The following PRG4 variants were observed in gnomAD, a reference collection of about 807,000 sequenced individuals.
PRG4 encodes articular superficial zone protein.
PRG4 carries 61 observed loss-of-function variants against 91.2 expected under a neutral mutation model. The observed-to-expected ratio is 0.67, with a 90% CI of 0.54 to 0.83. The LOEUF (loss-of-function observed/expected upper bound fraction) is 0.83, where lower values mean the gene tolerates loss of function less well. PRG4 is among the 40% of genes least tolerant of loss of function. PRG4 has a pLI of 0.00. For missense variants in PRG4, 1,564 were observed against 1,714.2 expected (o/e 0.91, Z 1.55); for synonymous variants, 576 against 614.2 (o/e 0.94, Z 0.92).
rs751586838 is a variant in PRG4 at position 186,312,748 on chromosome 1, T to C, written c.3992-21T>C. On this transcript the variant is annotated intron_variant, in intron 11 of 12. Coordinates refer to ENST00000445192, the MANE Select transcript of PRG4 (RefSeq NM_005807.6). Reference sequence around the variant, plus strand: ...CATTGCCTTTTAATCTGGTATCTTTTATTAAACATGCCACTTACAGGTGTC... The same window carrying C: ...CATTGCCTTTTAATCTGGTATCTTTCATTAAACATGCCACTTACAGGTGTC... The C allele has an allele frequency of 1.2e-5, 19 of 1,610,586 alleles. No homozygotes were observed. The South Asian group carries it at 1.9e-4, about 16-fold the overall frequency.
In PRG4 at chr1:186,306,530, T is replaced by A; in HGVS notation, c.811T>A (p.Ser271Thr). The change falls in exon 7 of 13, where the codon TCT (serine) becomes ACT (threonine). Residue 271 changes from serine (S) to threonine (T), a missense_variant. Physicochemically the swap from Ser to Thr is moderately conservative, Grantham distance 58 (BLOSUM62 1). This residue lies in a region of PRG4 where 437 missense variants were observed against 459.0 expected (regional missense o/e 0.95). Coordinates refer to ENST00000445192, the MANE Select transcript of PRG4 (RefSeq NM_005807.6). ...RPSLPPNSDT[S>T]KETSLTVNKE... ...CAGTCTTCCACCTAATTCTGATACA[T>A]CTAAAGAGACGTCTTTGACAGTGAA... is the stretch of plus-strand genomic sequence containing the variant. 6.2e-7 allele frequency: 1 copy of A among 1,613,152 alleles called. No homozygotes were observed. The highest frequency in any genetic ancestry group is 8.5e-7 in the Non-Finnish European group (1 of 1,179,358).
At position 186,308,134 on chromosome 1, in the gene PRG4, C is replaced by T; in HGVS notation, c.2415C>T (p.Thr805=). 3.7e-6 allele frequency: 6 copies of T among 1,609,332 alleles called. No individual in the cohort carries two copies. Among genetic ancestry groups the T allele is most frequent in the Non-Finnish European group, 3.4e-6 (4 of 1,178,312 alleles). Residue 805 remains threonine (T), a synonymous_variant, in exon 7 of 13, where the codon ACC becomes ACT. Transcript: ENST00000445192. ...CTGCCCCCAAGGAGCTTGCACCCAC[C>T]ACCACCAAGGGGCCCACATCCACCA... ...KKPAPKELAP[T]TTKGPTSTTS...
chr1:186,300,054 GT>G, intron 2 of PRG4, 36 bp from the exon 3 acceptor site: 12 of 1,611,714 alleles, frequency 7.4e-6, no homozygotes, highest in Non-Finnish European at 9.3e-6. Flanking sequence ...CTATAAAGTG[GT>G]TTGGCCATAT....
At chr1:186,297,003 A>G in intron 2 of PRG4, 52 bp downstream of exon 2, 1 of 1,462,784 alleles carries the variant, frequency 6.8e-7, no homozygotes, top group Non-Finnish European at 9.6e-7. Context: ...CTAATCATTC[A>G]GTCTTGATTT....
At chr1:186,302,707 C>T (rs1200462888) in intron 4 of PRG4, among the ~76,000 whole-genome samples, 1 of 152,096 alleles carries the variant, frequency 6.6e-6, no homozygotes, top group Non-Finnish European at 1.5e-5. Context: ...TAGAGCTCAC[C>T]CTTCCTGCAG....
At chr1:186,299,635 A>G (rs908878603) in intron 2 of PRG4, among the ~76,000 whole-genome samples, 3 of 152,206 alleles carry the variant, frequency 2.0e-5, no homozygotes, top group African/African-American at 7.2e-5. Flanking sequence ...ATAATGAGCA[A>G]GTTGTCAAAA....
At chr1:186,301,119 T>C (rs1197407878) in intron 3 of PRG4, among the ~76,000 whole-genome samples, 1 of 152,160 alleles carries the variant, frequency 6.6e-6, no homozygotes, top group Non-Finnish European at 1.5e-5. Context: ...GCATTACAAA[T>C]GATTTTTAAG....
rs556675244 is a variant in PRG4, at chr1:186,307,510, C to A, written c.1791C>A (p.Thr597=). ...TTPKEPAPTT[T]KKPAPTTPKE... is the part of the protein sequence containing the mutation. Reference sequence around the variant, plus strand: ...CCAAGGAACCTGCACCCACCACCACCAAGAAGCCTGCACCCACCACTCCCA... The same window carrying A: ...CCAAGGAACCTGCACCCACCACCACAAAGAAGCCTGCACCCACCACTCCCA... Residue 597 remains threonine (T), a synonymous_variant, in exon 7 of 13, where the codon ACC becomes ACA. Coordinates refer to ENST00000445192, the MANE Select transcript of PRG4 (RefSeq NM_005807.6). 44 of 1,565,602 alleles carry A rather than the reference C, an allele frequency of 2.8e-5. No homozygotes were observed. The East Asian group carries it at 7.9e-4, about 28-fold the overall frequency.
chr1:186,298,024 T>A (rs1393907842), intron 2 of PRG4, among the ~76,000 whole-genome samples: 1 of 152,240 alleles, frequency 6.6e-6, no homozygotes, highest in Non-Finnish European at 1.5e-5. Flanking sequence ...TCCTCTGTGA[T>A]ACAATTGGTT....
rs1333022694 is a variant in PRG4 at position 186,314,472 on chromosome 1, T to C, written c.*694T>C. ...GGTATACAAATCTGTCTACATGAAGTTTACAGATTGGTAAATATCACCTGC... is the reference window on the plus strand; with the variant it reads ...GGTATACAAATCTGTCTACATGAAGCTTACAGATTGGTAAATATCACCTGC... On this transcript the variant is annotated 3_prime_UTR_variant, in exon 13 of 13. Transcript: ENST00000445192. The C allele has an allele frequency of 2.0e-6, 1 of 496,548 alleles. No homozygotes were observed. The allele number at this position is 496,548 out of a possible 1,614,324, so 30.8% of individuals were successfully genotyped here. A position where few individuals can be genotyped will look rare whatever the true frequency, so the allele number is the denominator to read the frequency against.
Position 186,308,482 on chromosome 1 carries a change from A to C in PRG4, c.2763A>C (p.Glu921Asp). 6.2e-7 allele frequency: 1 copy of C among 1,613,886 alleles called. No homozygotes were observed. The highest frequency in any genetic ancestry group is 1.1e-5 in the South Asian group (1 of 91,082). ...CAACAGCTAAAGACAAGACAACAGA[A>C]AGAGACTTACGTACTACACCTGAAA... The part of the protein sequence containing the change: ...MTTTAKDKTT[E>D]RDLRTTPETT... Residue 921 changes from glutamate (E) to aspartate (D), a missense_variant, in exon 7 of 13, where the codon GAA becomes GAC. Transcript: ENST00000445192.
rs1460109462 is a variant in PRG4, at chr1:186,313,746, A to C, written c.4183A>C (p.Thr1395Pro). ...ARAITTRSGQ[T>P]LSKVWYNCP is the part of the protein sequence containing the mutation. The stretch of plus-strand genomic sequence containing the variant: ...AGCAATTACTACTCGTTCTGGGCAG[A>C]CCTTATCCAAAGTCTGGTACAACTG... The change falls in exon 13 of 13, where the codon ACC (threonine) becomes CCC (proline). Residue 1395 changes from threonine to proline, a missense_variant. Thr to Pro is a conservative substitution (Grantham distance 38). Around this residue, in one of 3 missense-constraint regions of PRG4, gnomAD observed 1,079 missense variants for 1,162.2 expected, o/e 0.93. Coordinates refer to ENST00000445192, the MANE Select transcript of PRG4 (RefSeq NM_005807.6). 8.1e-6 allele frequency: 13 copies of C among 1,608,954 alleles called. No individual in the cohort carries two copies. The highest frequency in any genetic ancestry group is 1.0e-5 in the Non-Finnish European group (12 of 1,175,430).
rs1360802213 is a variant in PRG4 at position 186,308,585 on chromosome 1, A to C, written c.2866A>C (p.Thr956Pro). Residue 956 changes from threonine to proline, a missense_variant, in exon 7 of 13, where the codon ACA (threonine) becomes CCA (proline). Around this residue, in one of 3 missense-constraint regions of PRG4, gnomAD observed 1,079 missense variants for 1,162.2 expected, o/e 0.93. Coordinates refer to ENST00000445192, the MANE Select transcript of PRG4 (RefSeq NM_005807.6). ...EKTTESKITA[T>P]TTQVTSTTTQ... ...AACTACCGAATCCAAAATAACAGCTACAACCACACAAGTAACATCTACCAC... is the reference window on the plus strand; with the variant it reads ...AACTACCGAATCCAAAATAACAGCTCCAACCACACAAGTAACATCTACCAC... The C allele has an allele frequency of 1.9e-6, 3 of 1,613,552 alleles. No individual in the cohort carries two copies. In the African/African-American group the frequency reaches 4.0e-5, roughly 22 times the overall value.
At position 186,308,216 on chromosome 1, in the gene PRG4, G is replaced by A. The variant is rs1656886857; in HGVS notation, c.2497G>A (p.Glu833Lys). 1 of 1,611,928 alleles carries A rather than the reference G, an allele frequency of 6.2e-7. No individual in the cohort carries two copies. Among genetic ancestry groups the A allele is most frequent in the South Asian group, 1.1e-5 (1 of 90,814 alleles). ...GGAGACTGCTCCAACTACCCCCAAG[G>A]AGCCTGCACCCACTACCCCCAAGAA... Reference protein sequence around the residue: ...PKETAPTTPKEPAPTTPKKPA... With the variant: ...PKETAPTTPKKPAPTTPKKPA... The change falls in exon 7 of 13, where the codon GAG (glutamate) becomes AAG (lysine). Residue 833 changes from glutamate (E) to lysine (K), a missense_variant. Transcript: ENST00000445192.
intron 6 of PRG4, among the ~76,000 whole-genome samples, chr1:186,306,004 T>A (rs868554143): frequency 5.3e-5 from 8 of 152,172 alleles, no homozygotes; most frequent in African/African-American, 1.9e-4. Flanking sequence ...AAGTAGGGGG[T>A]AAAGAACATT....
In PRG4 at chr1:186,313,675, A is replaced by G. The variant is rs755758344; in HGVS notation, c.4118-6A>G. On this transcript the variant is annotated splice_polypyrimidine_tract_variant and splice_region_variant and intron_variant, in intron 12 of 12. Coordinates refer to ENST00000445192, the MANE Select transcript of PRG4 (RefSeq NM_005807.6). ...TAACTAAAAAAATGTTTTCTCTTCC[A>G]TTTAGATCAATACTATAACATTGAT... is the stretch of plus-strand genomic sequence containing the variant. 10 of 1,562,996 alleles carry G rather than the reference A, an allele frequency of 6.4e-6. No individual in the cohort carries two copies. Among genetic ancestry groups the G allele is most frequent in the Non-Finnish European group, 1.8e-6 (2 of 1,134,066 alleles).
chr1:186,312,884 C>A lies in PRG4; in HGVS notation c.4107C>A (p.Ala1369=), dbSNP rs80196755. The A allele has an allele frequency of 3.5e-3, 5,662 of 1,612,100 alleles. 21 individuals carry two copies. The highest frequency in any genetic ancestry group is 6.0e-3 in the Admixed American group (361 of 60,008). ...IRKPDGYDYY[A]FSKDQYYNID... is the part of the protein sequence containing the mutation. The stretch of plus-strand genomic sequence containing the variant: ...AACCTGACGGCTATGATTACTATGC[C>A]TTTTCTAAAGGTAAGGTATTAACTA... The change falls in exon 12 of 13, where the codon GCC becomes GCA. Residue 1369 remains alanine, a synonymous_variant. Transcript: ENST00000445192.
rs781234965 is a variant in PRG4 at position 186,309,049 on chromosome 1, G to T, written c.3330G>T (p.Arg1110Ser). 1.2e-6 allele frequency: 2 copies of T among 1,613,806 alleles called. No homozygotes were observed. The highest frequency in any genetic ancestry group is 1.7e-6 in the Non-Finnish European group (2 of 1,179,854). ...GAGAAACACCTCATATGCTTCTCAG[G>T]CCCCATGTGTTCATGCCTGAAGTTA... is the stretch of plus-strand genomic sequence containing the variant. ...AEGETPHMLL[R>S]PHVFMPEVTP... Residue 1110 changes from arginine to serine, a missense_variant, in exon 7 of 13, where the codon AGG becomes AGT. Arg to Ser is a moderately radical substitution (Grantham distance 110, BLOSUM62 -1). This residue lies in a region of PRG4 where 1,079 missense variants were observed against 1,162.2 expected (regional missense o/e 0.93). Coordinates refer to ENST00000445192, the MANE Select transcript of PRG4 (RefSeq NM_005807.6).
intron 4 of PRG4, among the ~76,000 whole-genome samples, chr1:186,303,472 A>AC (rs1656350443): frequency 6.6e-6 from 1 of 151,304 alleles, no homozygotes; most frequent in African/African-American, 2.4e-5. Flanking sequence ...AAAAAAAAAA[A>AC]AGAAGTTCCA....
Sources: allele counts gnomAD v4.1 joint callset (sites outside exome capture counted in the v4.1 genomes callset), GRCh38; gene constraint gnomAD v4.1.1; regional missense constraint gnomAD v4.1.1; transcripts MANE v1.5; gene names NCBI Gene and HGNC (gene_info 2026-07-23, HGNC 2026-07-21).